The following KSR1 variants were observed in gnomAD, a reference collection of about 807,000 sequenced individuals.
KSR1 encodes the protein kinase suppressor of ras.
In KSR1, 35 loss-of-function variants were observed where a neutral mutation model predicts 92.9. The observed-to-expected ratio is 0.38, with a 90% CI of 0.29 to 0.50. KSR1 has a LOEUF of 0.50. Ranked by LOEUF, KSR1 falls within the 20% of genes least tolerant of loss-of-function variation. KSR1 has a pLI of 0.94. For synonymous variants in KSR1, 467 were observed against 472.6 expected, an observed-to-expected ratio of 0.99 and a Z score of 0.15; for missense variants, 972 against 1,158.5, an observed-to-expected ratio of 0.84 and a Z score of 2.34.
At chr17:27,551,853 A>T (rs2071408246) in intron 2 of KSR1, among the ~76,000 whole-genome samples, 1 of 152,046 alleles carries the variant, frequency 6.6e-6, no homozygotes, top group African/African-American at 2.4e-5. Flanking sequence ...CGCCCCTTGC[A>T]TTCCATTTTC....
intron 3 of KSR1, chr17:27,579,180 G>A (rs76334561): frequency 0.14 from 21,259 of 152,264 alleles, 1,655 homozygotes; most frequent in South Asian, 0.23. Flanking sequence ...TGCACTTCAC[G>A]GGCACCTGCT....
chr17:27,460,880 G>T (rs2019400997), intron 1 of KSR1, among the ~76,000 whole-genome samples: 1 of 152,206 alleles, frequency 6.6e-6, no homozygotes, highest in Admixed American at 6.5e-5. Context: ...CTGGCTGGCA[G>T]CCACCTAGCA....
intron 1 of KSR1, among the ~76,000 whole-genome samples, chr17:27,493,983 C>T (rs1295213056): frequency 1.3e-5 from 2 of 152,152 alleles, no homozygotes; most frequent in Admixed American, 1.3e-4. Context: ...TTCTTCCTCT[C>T]TCTGGCCAGA....
intron 1 of KSR1, among the ~76,000 whole-genome samples, chr17:27,502,094 C>T (rs1417281646): frequency 2.0e-5 from 3 of 152,212 alleles, no homozygotes; most frequent in African/African-American, 7.2e-5. Flanking sequence ...GACTGCATGA[C>T]AGCTGATGGC....
At chr17:27,494,757 A>G (rs965472098) in intron 1 of KSR1, among the ~76,000 whole-genome samples, 3 of 152,262 alleles carry the variant, frequency 2.0e-5, no homozygotes, top group African/African-American at 7.2e-5. Flanking sequence ...CAGTCCTCTC[A>G]GCATTGACGT....
chr17:27,547,348 C>A (rs1050429924), intron 1 of KSR1, among the ~76,000 whole-genome samples: 1 of 152,194 alleles, frequency 6.6e-6, no homozygotes, highest in South Asian at 2.1e-4. Context: ...CATCGATGAA[C>A]GTAGATGGGG....
intron 1 of KSR1, among the ~76,000 whole-genome samples, chr17:27,477,074 C>T (rs1044009524): frequency 1.3e-5 from 2 of 152,170 alleles, no homozygotes; most frequent in African/African-American, 4.8e-5. Context: ...TACAGGGTAA[C>T]TTCTTGACAT....
At chr17:27,490,266 G>C (rs2068782330) in intron 1 of KSR1, among the ~76,000 whole-genome samples, 1 of 152,302 alleles carries the variant, frequency 6.6e-6, no homozygotes, top group Admixed American at 6.5e-5. Flanking sequence ...TATTATATGA[G>C]GTGGTTTTGT....
At chr17:27,500,302 A>G (rs1164344388) in intron 1 of KSR1, among the ~76,000 whole-genome samples, 1 of 152,174 alleles carries the variant, frequency 6.6e-6, no homozygotes, top group Non-Finnish European at 1.5e-5. Flanking sequence ...GATCTTTAAG[A>G]TGATGAAAGC....
At chr17:27,583,195 T>G in intron 4 of KSR1, 90 bp downstream of exon 4, 1 of 876,216 alleles carries the variant, frequency 1.1e-6, no homozygotes, top group Non-Finnish European at 1.7e-6. Context: ...AATCAACCCC[T>G]ATAGACGTGT....
At chr17:27,621,940 G>A in intron 20 of KSR1, 1 of 1,613,708 alleles carries the variant, frequency 6.2e-7, no homozygotes, top group Non-Finnish European at 8.5e-7. Context: ...TTGTAGGCCT[G>A]GCTGCCTTGC....
intron 9 of KSR1, among the ~76,000 whole-genome samples, chr17:27,593,267 G>A (rs2073229343): frequency 6.6e-6 from 1 of 152,244 alleles, no homozygotes; most frequent in Admixed American, 6.5e-5. Context: ...CACCTGTCAT[G>A]GGCCTCTTTG....
At chr17:27,584,777 T>C (rs935692135) in intron 4 of KSR1, among the ~76,000 whole-genome samples, 1 of 152,138 alleles carries the variant, frequency 6.6e-6, no homozygotes, top group African/African-American at 2.4e-5. Flanking sequence ...GACCCCTGAG[T>C]GCTCTGCTTC....
chr17:27,537,872 C>T (rs553772656), intron 1 of KSR1, among the ~76,000 whole-genome samples: 72 of 152,134 alleles, frequency 4.7e-4, no homozygotes, highest in African/African-American at 1.7e-3. Flanking sequence ...GCATCAAAAA[C>T]CTAAATAAAA....
chr17:27,482,151 G>A (rs1437452447), intron 1 of KSR1, among the ~76,000 whole-genome samples: 8 of 152,052 alleles, frequency 5.3e-5, no homozygotes, highest in African/African-American at 1.2e-4. Flanking sequence ...CAGGCCAGGC[G>A]TGGTGGCTCA....
intron 2 of KSR1, among the ~76,000 whole-genome samples, chr17:27,560,774 C>T (rs1034201410): frequency 2.0e-5 from 3 of 152,324 alleles, no homozygotes; most frequent in Non-Finnish European, 4.4e-5. Flanking sequence ...ACCCCTCCTC[C>T]TGTCGGCCCC....
chr17:27,582,951 C>A lies in KSR1; in HGVS notation c.826C>A (p.Gln276Lys). The A allele has an allele frequency of 6.2e-7, 1 of 1,610,448 alleles. No individual in the cohort carries two copies. The highest frequency in any genetic ancestry group is 8.5e-7 in the Non-Finnish European group (1 of 1,177,944). ...CTTCATCACCCCGCCCACCACACCC[C>A]AGCTGCGACGGCACACCAAGCTGAA... is the stretch of plus-strand genomic sequence containing the variant. Reference protein sequence around the residue: ...HSFITPPTTPQLRRHTKLKPP... With the variant: ...HSFITPPTTPKLRRHTKLKPP... The change falls in exon 4 of 21, where the codon CAG becomes AAG. Residue 276 changes from glutamine to lysine, a missense_variant. Transcript: ENST00000644974.
intron 9 of KSR1, among the ~76,000 whole-genome samples, chr17:27,592,888 C>G (rs1443398774): frequency 1.3e-5 from 2 of 152,230 alleles, no homozygotes; most frequent in Admixed American, 1.3e-4. Flanking sequence ...GAAACTTCTT[C>G]CATTGCTGTT....
At position 27,623,670 on chromosome 17, in the gene KSR1, T is replaced by C. The variant is rs1842939273; in HGVS notation, c.*278T>C. The C allele has an allele frequency of 1.7e-6, 1 of 599,018 alleles. No homozygotes were observed. The highest frequency in any genetic ancestry group is 1.9e-5 in the African/African-American group (1 of 53,512). The allele number at this position is 599,018 out of a possible 1,614,324, so 37.1% of individuals were successfully genotyped here. A position where few individuals can be genotyped will look rare whatever the true frequency, so the allele number is the denominator to read the frequency against. On this transcript the variant is annotated 3_prime_UTR_variant, in exon 21 of 21. Transcript: ENST00000644974. Reference sequence around the variant, plus strand: ...AGTGAACCTGATGTTTTACAATAGGTAATAATAAAAACAGTCTGTGCAGAT... The same window carrying C: ...AGTGAACCTGATGTTTTACAATAGGCAATAATAAAAACAGTCTGTGCAGAT...
Sources: gnomAD v4.1 joint callset for allele counts (sites outside exome capture counted in the v4.1 genomes callset) on GRCh38, gnomAD v4.1.1 for gene constraint, MANE v1.5 for transcripts, NCBI Gene and HGNC (gene_info 2026-07-23, HGNC 2026-07-21) for gene names.